The following SEMA3D variants were observed in gnomAD, a reference collection of about 807,000 sequenced individuals.
The protein encoded by SEMA3D is semaphorin 3D.
In SEMA3D, 84 loss-of-function variants were observed where a neutral mutation model predicts 100.1. The observed-to-expected ratio is 0.84, with a 90% CI of 0.70 to 1.01. SEMA3D has a LOEUF of 1.01. Ranked by LOEUF, SEMA3D falls within the 50% of genes least tolerant of loss-of-function variation. The pLI is 0.00. For missense variants in SEMA3D, 875 were observed against 934.1 expected, an observed-to-expected ratio of 0.94 and a Z score of 0.82; for synonymous variants, 312 against 320.7, an observed-to-expected ratio of 0.97 and a Z score of 0.29.
intron 18 of SEMA3D, among the ~76,000 whole-genome samples, chr7:85,004,885 C>T (rs1248523255): frequency 3.3e-5 from 5 of 151,850 alleles, no homozygotes; most frequent in Admixed American, 1.3e-4. Flanking sequence ...AAGTAAAATT[C>T]GATAAGTATT....
At chr7:85,245,019 T>C in the SEMA3D span, among the ~76,000 whole-genome samples, 1 of 152,170 alleles carries the variant, frequency 6.6e-6, no homozygotes, top group African/African-American at 2.4e-5. Context: ...CCAGAATCTA[T>C]TTTGTTACTG....
intron 3 of SEMA3D, among the ~76,000 whole-genome samples, chr7:85,107,143 C>A (rs1044340863): frequency 3.7e-4 from 56 of 152,148 alleles, no homozygotes; most frequent in Middle Eastern, 6.8e-3. Flanking sequence ...TAAAACTGAT[C>A]ATTGATCATT....
chr7:84,996,902 T>A lies in SEMA3D; in HGVS notation c.*2538A>T, dbSNP rs1789516552. On this transcript the variant is annotated 3_prime_UTR_variant, in exon 19 of 19. Transcript: ENST00000284136. Reference sequence around the variant, plus strand: ...GTTTGTGGATTTAATATATTCATACTCTTTCTCTAAATGTTCTAGACAACT... The same window carrying A: ...GTTTGTGGATTTAATATATTCATACACTTTCTCTAAATGTTCTAGACAACT... 6.6e-6 allele frequency: 1 copy of A among 152,024 alleles called. No homozygotes were observed. The highest frequency in any genetic ancestry group is 1.5e-5 in the Non-Finnish European group (1 of 67,896). The allele number at this position is 152,024 out of a possible 1,614,324, so 9.4% of individuals were successfully genotyped here.
chr7:85,187,742 T>C (rs1284465760), upstream of SEMA3D, among the ~76,000 whole-genome samples: 1 of 152,210 alleles, frequency 6.6e-6, no homozygotes, highest in African/African-American at 2.4e-5. Flanking sequence ...GCAATTGGAA[T>C]AGAGGATCCT....
chr7:85,109,297 T>A (rs1446541049), intron 3 of SEMA3D, among the ~76,000 whole-genome samples: 2 of 152,050 alleles, frequency 1.3e-5, no homozygotes, highest in Non-Finnish European at 2.9e-5. Flanking sequence ...CTCAAACCTA[T>A]CTTTATCTTC....
chr7:85,171,513 T>C (rs1351346978), intron 1 of SEMA3D, among the ~76,000 whole-genome samples: 3 of 151,998 alleles, frequency 2.0e-5, no homozygotes, highest in Non-Finnish European at 4.4e-5. Context: ...TGTTCATTCC[T>C]GGGCTATGGA....
intron 7 of SEMA3D, among the ~76,000 whole-genome samples, chr7:85,066,300 G>A (rs1468210536): frequency 1.3e-5 from 2 of 151,804 alleles, no homozygotes; most frequent in Non-Finnish European, 2.9e-5. Context: ...AAAGGGAGGA[G>A]GAGAGAAGGG....
chr7:85,244,103 C>T, the SEMA3D span, among the ~76,000 whole-genome samples: 1 of 152,124 alleles, frequency 6.6e-6, no homozygotes, highest in Admixed American at 6.5e-5. Context: ...GCTGAAGATT[C>T]TCATGGATGA....
intron 2 of SEMA3D, chr7:85,140,206 TA>T (rs1790005812): frequency 1.6e-6 from 1 of 612,856 alleles, no homozygotes; most frequent in African/African-American, 2.0e-5. Context: ...TTAACATCAA[TA>T]AAAATGTTTT....
the SEMA3D span, among the ~76,000 whole-genome samples, chr7:85,204,952 T>A: frequency 1.3e-5 from 2 of 152,086 alleles, no homozygotes; most frequent in African/African-American, 4.8e-5. Context: ...TTAAAGCATA[T>A]AAGTTTTCTT....
chr7:85,211,216 A>G, the SEMA3D span, among the ~76,000 whole-genome samples: 27 of 152,184 alleles, frequency 1.8e-4, no homozygotes, highest in Admixed American at 6.6e-4. Flanking sequence ...CCAAAAGTAG[A>G]TGTAAATATA....
chr7:85,028,462 C>T (rs909536876), intron 12 of SEMA3D: 7 of 381,464 alleles, frequency 1.8e-5, no homozygotes, highest in African/African-American at 1.1e-4. Context: ...TTTTGATCCT[C>T]ACTATGGAGG....
the SEMA3D span, among the ~76,000 whole-genome samples, chr7:85,203,362 T>A: frequency 9.9e-5 from 15 of 152,216 alleles, no homozygotes; most frequent in Non-Finnish European, 2.1e-4. Flanking sequence ...ATTGAAGTTT[T>A]TCCATTTCTT....
At chr7:85,018,164 A>G in intron 15 of SEMA3D, 88 bp downstream of exon 15, 1 of 828,316 alleles carries the variant, frequency 1.2e-6, no homozygotes, top group Non-Finnish European at 2.1e-6. Context: ...TTTAACTCCC[A>G]ATTTCAATGG....
At chr7:85,087,420 C>T (rs1481261661) in intron 4 of SEMA3D, among the ~76,000 whole-genome samples, 1 of 152,186 alleles carries the variant, frequency 6.6e-6, no homozygotes, top group Non-Finnish European at 1.5e-5. Flanking sequence ...CTTACTGTTG[C>T]TGTCTACCCA....
At chr7:85,228,637 T>C in the SEMA3D span, among the ~76,000 whole-genome samples, 7 of 152,004 alleles carry the variant, frequency 4.6e-5, no homozygotes, top group African/African-American at 1.7e-4. Flanking sequence ...TTTTCTGTAT[T>C]TTTTTTAACA....
chr7:85,008,518 T>C (rs917718063), intron 17 of SEMA3D, among the ~76,000 whole-genome samples: 1 of 151,660 alleles, frequency 6.6e-6, no homozygotes, highest in Non-Finnish European at 1.5e-5. Context: ...ATGCATATTA[T>C]ATACACATAC....
Position 85,121,866 on chromosome 7 carries a change from A to C in SEMA3D, c.26T>G (p.Leu9Arg). ...GTGAAAATCTTGGCTTCTGGCTTTAAGTCTTTCATCTTTATTAGCATTCAT... is the reference window on the plus strand; with the variant it reads ...GTGAAAATCTTGGCTTCTGGCTTTACGTCTTTCATCTTTATTAGCATTCAT... MNANKDER[L>R]KARSQDFHLF... The change falls in exon 3 of 19, where the codon CTT (leucine) becomes CGT (arginine). Residue 9 changes from leucine (L) to arginine (R), a missense_variant. Coordinates refer to ENST00000284136, the MANE Select transcript of SEMA3D (RefSeq NM_001384900.1). 6.3e-7 allele frequency: 1 copy of C among 1,593,662 alleles called. No individual in the cohort carries two copies. Among genetic ancestry groups the C allele is most frequent in the Non-Finnish European group, 8.6e-7 (1 of 1,164,182 alleles).
Position 85,006,845 on chromosome 7 carries a change from AT to A in SEMA3D, c.1864del (p.Ile622LeufsTer16). ...ECIPKSQQAT[I>X]KWYIQRSGDE... ...CCCTGACCTCTGGATATACCATTTA[AT>A]AGTTGCTTGTTGGGATTTAGGTATA... On this transcript the variant is annotated frameshift_variant, in exon 18 of 19. Transcript: ENST00000284136. LOFTEE classifies it high-confidence loss of function. The A allele has an allele frequency of 1.2e-6, 2 of 1,611,176 alleles. No homozygotes were observed. The highest frequency in any genetic ancestry group is 1.7e-6 in the Non-Finnish European group (2 of 1,178,160).
Sources: allele counts gnomAD v4.1 joint callset (sites outside exome capture counted in the v4.1 genomes callset), GRCh38; gene constraint gnomAD v4.1.1; transcripts MANE v1.5; gene names NCBI Gene and HGNC (gene_info 2026-07-23, HGNC 2026-07-21).